RAB31: variants seen among roughly 807,000 people sequenced by gnomAD.
RAB31 encodes the protein RAB31, member RAS oncogene family.
A neutral mutation model predicts 25.6 loss-of-function variants in RAB31; 21 were observed. The ratio of observed to expected loss-of-function variants is 0.82; its 90% CI spans 0.58 to 1.18. RAB31 has a LOEUF of 1.18. Ranked by LOEUF, RAB31 falls within the 50% of genes most tolerant of loss-of-function variation. The pLI is 0.00. For synonymous variants in RAB31, 87 were observed against 84.0 expected, an observed-to-expected ratio of 1.04 and a Z score of -0.20; for missense variants, 196 against 250.1, an observed-to-expected ratio of 0.78 and a Z score of 1.46.
At chr18:9,856,961 G>A (rs553163385) in intron 6 of RAB31, among the ~76,000 whole-genome samples, 3 of 152,200 alleles carry the variant, frequency 2.0e-5, no homozygotes, top group South Asian at 2.1e-4. Context: ...AGTAGAAGAG[G>A]CATTTTGTTT....
intron 5 of RAB31, among the ~76,000 whole-genome samples, chr18:9,832,679 G>A (rs1019701874): frequency 1.3e-5 from 2 of 152,234 alleles, no homozygotes; most frequent in East Asian, 3.9e-4. Flanking sequence ...CAAGGACTTG[G>A]CAATGGTGGG....
intron 1 of RAB31, among the ~76,000 whole-genome samples, chr18:9,742,464 T>A (rs1234463388): frequency 6.6e-6 from 1 of 152,230 alleles, no homozygotes; most frequent in Non-Finnish European, 1.5e-5. Context: ...AGCGCCAGCC[T>A]GAGTGTGGGG....
chr18:9,798,825 C>G (rs887487153), intron 3 of RAB31, among the ~76,000 whole-genome samples: 1 of 151,796 alleles, frequency 6.6e-6, no homozygotes, highest in Admixed American at 6.6e-5. Flanking sequence ...CACAGTTGCT[C>G]ACGCCTGTAA....
At chr18:9,737,328 C>A (rs2068155917) in intron 1 of RAB31, among the ~76,000 whole-genome samples, 1 of 152,184 alleles carries the variant, frequency 6.6e-6, no homozygotes, top group African/African-American at 2.4e-5. Flanking sequence ...CACACCCCCA[C>A]ACCCACACAC....
At chr18:9,823,146 A>T (rs2068632108) in intron 5 of RAB31, among the ~76,000 whole-genome samples, 1 of 152,196 alleles carries the variant, frequency 6.6e-6, no homozygotes, top group African/African-American at 2.4e-5. Flanking sequence ...TGCCGAGTGA[A>T]TGAAGCCAGT....
intron 1 of RAB31, among the ~76,000 whole-genome samples, chr18:9,747,488 A>G (rs1397772808): frequency 2.0e-5 from 3 of 152,248 alleles, no homozygotes; most frequent in East Asian, 3.8e-4. Flanking sequence ...TGGATGAGCA[A>G]ATTGTGATAT....
chr18:9,848,112 T>C (rs1290834859), intron 6 of RAB31, among the ~76,000 whole-genome samples: 1 of 152,224 alleles, frequency 6.6e-6, no homozygotes. Flanking sequence ...TTTATTATAC[T>C]TTGGTTGTAA....
chr18:9,836,366 CTAA>C (rs2068704175), intron 5 of RAB31, among the ~76,000 whole-genome samples: 1 of 152,138 alleles, frequency 6.6e-6, no homozygotes, highest in South Asian at 2.1e-4. Context: ...TTAGGAAGCG[CTAA>C]TGAGTCCACT....
At chr18:9,717,198 G>A (rs998453838) in intron 1 of RAB31, among the ~76,000 whole-genome samples, 54 of 152,110 alleles carry the variant, frequency 3.6e-4, no homozygotes, top group African/African-American at 1.2e-3. Context: ...TCCTGCTTCC[G>A]AAAAGTCGGA....
At chr18:9,753,144 A>G (rs1239136941) in intron 1 of RAB31, among the ~76,000 whole-genome samples, 1 of 152,212 alleles carries the variant, frequency 6.6e-6, no homozygotes, top group South Asian at 2.1e-4. Flanking sequence ...AAGTTGCTCA[A>G]TTATAAGAAA....
At chr18:9,783,381 T>A (rs968960912) in intron 2 of RAB31, among the ~76,000 whole-genome samples, 1 of 152,102 alleles carries the variant, frequency 6.6e-6, no homozygotes. Context: ...TTCCCCCCCC[T>A]TACCTGCACT....
intron 3 of RAB31, among the ~76,000 whole-genome samples, chr18:9,809,172 G>A (rs968025742): frequency 3.3e-5 from 5 of 152,176 alleles, no homozygotes; most frequent in Admixed American, 2.6e-4. Context: ...TACCTTGGCC[G>A]TGAGCTCTGG....
In RAB31 at chr18:9,708,458, G is replaced by A; in HGVS notation, c.39+14G>A. On this transcript the variant is annotated intron_variant, in intron 1 of 6. Transcript: ENST00000578921. This position sits in a 1 kb window ranked among gnomAD's most constrained non-coding sequence, Gnocchi z 6.4. Reference sequence around the variant, plus strand: ...TGCCTTCTCGGGGTGAGTCCTGGCCGCCACCCGCCGGCGGACCCCGGCCCG... The same window carrying A: ...TGCCTTCTCGGGGTGAGTCCTGGCCACCACCCGCCGGCGGACCCCGGCCCG... 1.9e-6 allele frequency: 3 copies of A among 1,553,152 alleles called. No homozygotes were observed. Among genetic ancestry groups the A allele is most frequent in the Admixed American group, 1.9e-5 (1 of 51,778 alleles).
intron 1 of RAB31, among the ~76,000 whole-genome samples, chr18:9,773,123 C>T (rs1411401515): frequency 6.6e-6 from 1 of 152,172 alleles, no homozygotes; most frequent in Non-Finnish European, 1.5e-5. Flanking sequence ...GGCTGCTCTC[C>T]TTGGGAGGCG....
chr18:9,752,349 T>G (rs1321179451), intron 1 of RAB31, among the ~76,000 whole-genome samples: 1 of 152,096 alleles, frequency 6.6e-6, no homozygotes, highest in African/African-American at 2.4e-5. Context: ...CTAAGCCTCC[T>G]GAGTAGCTGG....
intron 1 of RAB31, among the ~76,000 whole-genome samples, chr18:9,760,119 G>T (rs1283556766): frequency 6.6e-6 from 1 of 151,006 alleles, no homozygotes; most frequent in Non-Finnish European, 1.5e-5. Context: ...ATTTTCTCTG[G>T]TGCTTTAGAA....
intron 1 of RAB31, among the ~76,000 whole-genome samples, chr18:9,768,572 G>A (rs950220747): frequency 6.6e-6 from 1 of 151,974 alleles, no homozygotes; most frequent in Non-Finnish European, 1.5e-5. Context: ...GTTTGTTTAA[G>A]TTCTTTGTAG....
chr18:9,860,454 C>T lies in RAB31; in HGVS notation c.*1129C>T, dbSNP rs866135455. 6.6e-6 allele frequency: 1 copy of T among 152,172 alleles called. No homozygotes were observed. The highest frequency in any genetic ancestry group is 6.5e-5 in the Admixed American group (1 of 15,286). 9.4% of individuals were successfully genotyped at this position (152,172 alleles called of 1,614,324 possible). ...AGAATGCCAAGGAACTGAGAATGGG[C>T]TCCGATGAAAACCTTCCTTTTCAGA... On this transcript the variant is annotated 3_prime_UTR_variant, in exon 7 of 7. Coordinates refer to ENST00000578921, the MANE Select transcript of RAB31 (RefSeq NM_006868.4).
chr18:9,810,039 T>C (rs2068562862), intron 3 of RAB31, among the ~76,000 whole-genome samples: 1 of 152,150 alleles, frequency 6.6e-6, no homozygotes, highest in Non-Finnish European at 1.5e-5. Flanking sequence ...TCACACACAC[T>C]AAGGACATAA....
Sources: allele counts gnomAD v4.1 joint callset (sites outside exome capture counted in the v4.1 genomes callset), GRCh38; gene constraint gnomAD v4.1.1; non-coding constraint Gnocchi (gnomAD v3.1); transcripts MANE v1.5; gene names NCBI Gene and HGNC (gene_info 2026-07-23, HGNC 2026-07-21).